PRKG1: variants seen among roughly 807,000 people sequenced by gnomAD.
The protein encoded by PRKG1 is protein kinase cGMP-dependent 1.
A neutral mutation model predicts 88.1 loss-of-function variants in PRKG1; 35 were observed. The observed-to-expected ratio is 0.40, with a 90% CI of 0.30 to 0.53. PRKG1 has a LOEUF of 0.53. PRKG1 is among the 20% of genes least tolerant of loss of function. The pLI is 0.59. For synonymous variants in PRKG1, 303 were observed against 292.5 expected (o/e 1.04, Z -0.37); for missense variants, 540 against 839.8 (o/e 0.64, Z 4.41).
chr10:52,112,707 C>G (rs1424119565), intron 7 of PRKG1, among the ~76,000 whole-genome samples: 1 of 152,100 alleles, frequency 6.6e-6, no homozygotes, highest in Non-Finnish European at 1.5e-5. Flanking sequence ...TCCCAGTTAT[C>G]CCTAAACAGA....
chr10:52,292,909 A>T, intron 17 of PRKG1, among the ~76,000 whole-genome samples: 1 of 152,130 alleles, frequency 6.6e-6, no homozygotes, highest in Non-Finnish European at 1.5e-5. Flanking sequence ...AGTTCTGGTC[A>T]GGGCAATTAG....
At chr10:51,995,626 A>G (rs575061175) in intron 5 of PRKG1, among the ~76,000 whole-genome samples, 1 of 152,280 alleles carries the variant, frequency 6.6e-6, no homozygotes, top group South Asian at 2.1e-4. Context: ...CATTACCTAC[A>G]TAAAGGAAAG....
At chr10:52,102,854 A>G (rs1204207965) in intron 7 of PRKG1, among the ~76,000 whole-genome samples, 1 of 152,106 alleles carries the variant, frequency 6.6e-6, no homozygotes, top group Non-Finnish European at 1.5e-5. Flanking sequence ...ATTCTATGAT[A>G]TGGGCATGAA....
intron 2 of PRKG1, among the ~76,000 whole-genome samples, chr10:51,183,005 A>T (rs982099095): frequency 6.6e-5 from 10 of 152,246 alleles, no homozygotes; most frequent in Non-Finnish European, 5.9e-5. Context: ...TTGATTAAAA[A>T]GAATGACTTC....
intron 1 of PRKG1, among the ~76,000 whole-genome samples, chr10:51,138,687 T>TG (rs1554839821): frequency 2.2e-4 from 29 of 131,780 alleles, no homozygotes; most frequent in African/African-American, 8.0e-4. Flanking sequence ...TTTTTTTTTT[T>TG]TTTTTTTTTT....
Position 51,632,791 on chromosome 10 carries a change from GA to G in PRKG1, c.592+164956del, listed in dbSNP as rs771631856. ...GGGCTGTGGTAAAACTGCACTTACTGACGCATGCCTCTCCTTGCTGGTGAAA... is the reference window on the plus strand; with the variant it reads ...GGGCTGTGGTAAAACTGCACTTACTGCGCATGCCTCTCCTTGCTGGTGAAA... On this transcript the variant is annotated intron_variant, in intron 3 of 17. Transcript: ENST00000373980. Among the ~76,000 whole-genome samples the G allele has an allele frequency of 2.6e-5, 4 of 152,174 alleles. No individual in the cohort carries two copies. The East Asian group carries it at 7.7e-4, about 29-fold the overall frequency.
At chr10:51,043,811 G>A (rs994646400) in intron 1 of PRKG1, among the ~76,000 whole-genome samples, 3 of 152,156 alleles carry the variant, frequency 2.0e-5, no homozygotes, top group Admixed American at 2.0e-4. Flanking sequence ...TCTGGGAAGG[G>A]AGAATAAAGA....
At chr10:51,752,959 CA>C (rs1422440608) in intron 3 of PRKG1, among the ~76,000 whole-genome samples, 1 of 152,044 alleles carries the variant, frequency 6.6e-6, no homozygotes, top group African/African-American at 2.4e-5. Context: ...ATAACATGGT[CA>C]TTATGTATTG....
chr10:51,434,143 G>A (rs1438749519), intron 2 of PRKG1, among the ~76,000 whole-genome samples: 1 of 152,062 alleles, frequency 6.6e-6, no homozygotes, highest in Non-Finnish European at 1.5e-5. Context: ...TGCAGCTGGT[G>A]CCTGGCTGCT....
intron 3 of PRKG1, among the ~76,000 whole-genome samples, chr10:51,748,277 C>A (rs191270966): frequency 4.7e-4 from 71 of 152,300 alleles, no homozygotes; most frequent in African/African-American, 1.6e-3. Flanking sequence ...ACCAAGTTCT[C>A]ATTTCTGATT....
At chr10:52,094,161 A>T (rs2133328473) in intron 7 of PRKG1, among the ~76,000 whole-genome samples, 1 of 152,226 alleles carries the variant, frequency 6.6e-6, no homozygotes, top group East Asian at 1.9e-4. Context: ...AATATGGTAA[A>T]TATTCTTGTA....
intron 3 of PRKG1, among the ~76,000 whole-genome samples, chr10:51,655,110 TGGGC>T (rs1840131327): frequency 1.3e-5 from 2 of 152,200 alleles, no homozygotes; most frequent in Non-Finnish European, 2.9e-5. Context: ...AATTAAGTCC[TGGGC>T]CACATGCCCA....
chr10:51,916,316 G>A (rs974709376), intron 5 of PRKG1, among the ~76,000 whole-genome samples: 6 of 152,112 alleles, frequency 3.9e-5, no homozygotes, highest in African/African-American at 1.4e-4. Context: ...GTGACCTCTG[G>A]TCGTCCTCAC....
chr10:51,771,373 A>G (rs1434774907), intron 3 of PRKG1, among the ~76,000 whole-genome samples: 1 of 152,076 alleles, frequency 6.6e-6, no homozygotes, highest in Non-Finnish European at 1.5e-5. Flanking sequence ...TTGTACCTGG[A>G]AGCATTTCCG....
In PRKG1 at chr10:52,133,718, C is replaced by G. The variant is rs1382318361; in HGVS notation, c.936-122C>G. 4.0e-6 allele frequency: 3 copies of G among 754,170 alleles called. No individual in the cohort carries two copies. The African/African-American group carries it at 5.4e-5, about 13-fold the overall frequency. 46.7% of individuals were successfully genotyped at this position (754,170 alleles called of 1,614,324 possible). A position where few individuals can be genotyped will look rare whatever the true frequency, so the allele number is the denominator to read the frequency against. On this transcript the variant is annotated intron_variant, in intron 7 of 17. Coordinates refer to ENST00000373980, the MANE Select transcript of PRKG1 (RefSeq NM_006258.4). ...TTTTGAAACATAAACAAAGCTTAAG[C>G]CTGGAGGTGGATAAATCAGAAGAGT...
In PRKG1 at chr10:51,074,668, C is replaced by T; in HGVS notation, c.78C>T (p.Asp26=). 1 of 1,614,040 alleles carries T rather than the reference C, an allele frequency of 6.2e-7. No individual in the cohort carries two copies. The change falls in exon 1 of 18, where the codon GAC becomes GAT. Residue 26 remains aspartate, a synonymous_variant. Transcript: ENST00000373980. ...EELRQRDALI[D]ELELELDQKD... is the part of the protein sequence containing the mutation. ...TGAGGCAGCGGGATGCTCTCATCGA[C>T]GAGCTGGAGCTGGAGTTGGATCAGA...
intron 4 of PRKG1, among the ~76,000 whole-genome samples, chr10:51,897,492 A>T (rs1041133824): frequency 2.0e-5 from 3 of 152,186 alleles, no homozygotes; most frequent in Non-Finnish European, 4.4e-5. Flanking sequence ...TGGCTTATAG[A>T]TATGGGGCTA....
chr10:51,515,413 G>A (rs918070868), intron 3 of PRKG1, among the ~76,000 whole-genome samples: 1 of 152,064 alleles, frequency 6.6e-6, no homozygotes, highest in Non-Finnish European at 1.5e-5. Flanking sequence ...TGGATAGTGT[G>A]GTATATCCAA....
intron 5 of PRKG1, among the ~76,000 whole-genome samples, chr10:52,017,129 A>C (rs2133183251): frequency 6.6e-6 from 1 of 152,336 alleles, no homozygotes; most frequent in Non-Finnish European, 1.5e-5. Flanking sequence ...TTTTAAGAAA[A>C]AGAAAAACAA....
Sources: gnomAD v4.1 joint callset for allele counts (sites outside exome capture counted in the v4.1 genomes callset) on GRCh38, gnomAD v4.1.1 for gene constraint, MANE v1.5 for transcripts, NCBI Gene and HGNC (gene_info 2026-07-23, HGNC 2026-07-21) for gene names.